DNM3: variants seen among roughly 807,000 people sequenced by gnomAD.
The protein encoded by DNM3 is dynamin-3.
In DNM3, 47 loss-of-function variants were observed where a neutral mutation model predicts 101.6. That is an observed-to-expected ratio of 0.46 (90% CI 0.37 to 0.59). The LOEUF (loss-of-function observed/expected upper bound fraction) is 0.59. DNM3 is among the 20% of genes least tolerant of loss of function. The pLI is 0.00. For missense variants in DNM3, 849 were observed against 1,085.7 expected (o/e 0.78, Z 3.06); for synonymous variants, 385 against 387.9 (o/e 0.99, Z 0.09).
intron 15 of DNM3, among the ~76,000 whole-genome samples, chr1:172,282,943 C>T (rs1461254471): frequency 1.3e-5 from 2 of 152,184 alleles, no homozygotes; most frequent in African/African-American, 2.4e-5. Context: ...TTTTTATGCC[C>T]ACACAGTTCC....
At chr1:171,860,900 G>A in intron 1 of DNM3, among the ~76,000 whole-genome samples, 1 of 152,102 alleles carries the variant, frequency 6.6e-6, no homozygotes, top group East Asian at 1.9e-4. Flanking sequence ...TGAGAAAAAA[G>A]TTGGGAGTTG....
At chr1:172,116,073 A>G (rs1011597671) in intron 13 of DNM3, among the ~76,000 whole-genome samples, 1 of 152,204 alleles carries the variant, frequency 6.6e-6, no homozygotes, top group African/African-American at 2.4e-5. Flanking sequence ...GACTCAGCTT[A>G]TCTTTGGCTC....
intron 1 of DNM3, among the ~76,000 whole-genome samples, chr1:171,906,206 C>T (rs886965608): frequency 2.7e-5 from 4 of 149,800 alleles, no homozygotes; most frequent in South Asian, 4.2e-4. Flanking sequence ...TGGCTCATTG[C>T]GGCCTCGACT....
intron 13 of DNM3, among the ~76,000 whole-genome samples, chr1:172,112,534 G>A (rs1254772307): frequency 6.6e-6 from 1 of 152,104 alleles, no homozygotes. Context: ...AGTGACCCTG[G>A]CCCTGAACCT....
chr1:172,063,258 C>G (rs551436283), intron 10 of DNM3, among the ~76,000 whole-genome samples: 12 of 152,180 alleles, frequency 7.9e-5, no homozygotes, highest in Non-Finnish European at 1.6e-4. Context: ...GGTCTCTTGA[C>G]CATTTTGAGA....
chr1:172,014,177 A>T (rs2047301501), intron 4 of DNM3, among the ~76,000 whole-genome samples: 1 of 152,154 alleles, frequency 6.6e-6, no homozygotes. Context: ...AATATATATG[A>T]TGGAATACTG....
At chr1:171,962,845 A>T (rs1214929103) in intron 2 of DNM3, among the ~76,000 whole-genome samples, 2 of 152,204 alleles carry the variant, frequency 1.3e-5, no homozygotes, top group African/African-American at 4.8e-5. Flanking sequence ...TCACTGATTG[A>T]ACACCTATCA....
chr1:172,255,499 G>GT (rs1457504857), intron 15 of DNM3, among the ~76,000 whole-genome samples: 1 of 152,094 alleles, frequency 6.6e-6, no homozygotes, highest in Non-Finnish European at 1.5e-5. Context: ...TGGGTGTAAG[G>GT]TAAAAACAAG....
intron 2 of DNM3, among the ~76,000 whole-genome samples, chr1:171,959,510 G>A (rs1245164897): frequency 1.3e-5 from 2 of 152,066 alleles, no homozygotes; most frequent in Non-Finnish European, 2.9e-5. Flanking sequence ...GCTTGTGGGG[G>A]AAAATCTAGG....
At chr1:172,010,875 G>A (rs1003835915) in intron 4 of DNM3, among the ~76,000 whole-genome samples, 1 of 151,370 alleles carries the variant, frequency 6.6e-6, no homozygotes, top group South Asian at 2.1e-4. Flanking sequence ...AATGTCATTT[G>A]TGAATTCCAT....
chr1:172,188,523 G>A (rs1374251139), intron 14 of DNM3, among the ~76,000 whole-genome samples: 1 of 151,890 alleles, frequency 6.6e-6, no homozygotes, highest in Non-Finnish European at 1.5e-5. Flanking sequence ...TCTTTTTATT[G>A]CTAAATAATA....
chr1:172,227,499 T>C (rs1224599453), intron 14 of DNM3, among the ~76,000 whole-genome samples: 1 of 151,852 alleles, frequency 6.6e-6, no homozygotes, highest in African/African-American at 2.4e-5. Flanking sequence ...GTTTGAGAGA[T>C]CTCCATACTG....
At chr1:172,079,489 C>T (rs987920138) in intron 11 of DNM3, among the ~76,000 whole-genome samples, 1 of 152,078 alleles carries the variant, frequency 6.6e-6, no homozygotes, top group Non-Finnish European at 1.5e-5. Context: ...ATATTCTTCT[C>T]TAAACTGGTT....
chr1:172,144,862 A>T, intron 14 of DNM3: 2 of 287,102 alleles, frequency 7.0e-6, no homozygotes, highest in South Asian at 3.3e-5. Context: ...GAGAGTCCAT[A>T]TATGGGATGA....
rs1187022656 is a variant in DNM3, at chr1:172,409,805, T to C, written c.*1964T>C. ...TCTAAAATAGGCAGCTAACGGATTA[T>C]ATACTTCAGGGTTTGGCTTTGTGCT... On this transcript the variant is annotated 3_prime_UTR_variant, in exon 21 of 21. Transcript: ENST00000627582. The C allele has an allele frequency of 2.0e-6, 2 of 985,784 alleles. No homozygotes were observed. Among genetic ancestry groups the C allele is most frequent in the African/African-American group, 3.5e-5 (2 of 57,344 alleles). The allele number at this position is 985,784 out of a possible 1,614,324, so 61.1% of individuals were successfully genotyped here.
intron 14 of DNM3, among the ~76,000 whole-genome samples, chr1:172,165,946 G>T (rs2148317608): frequency 6.6e-6 from 1 of 151,952 alleles, no homozygotes; most frequent in East Asian, 1.9e-4. Context: ...ACTGTGCTGG[G>T]TGCTTGGAAT....
chr1:172,091,241 G>A (rs1223876374), intron 12 of DNM3, among the ~76,000 whole-genome samples: 1 of 152,184 alleles, frequency 6.6e-6, no homozygotes, highest in African/African-American at 2.4e-5. Context: ...TGGGGATATA[G>A]CAGTGAACAA....
intron 2 of DNM3, among the ~76,000 whole-genome samples, chr1:171,924,690 T>C (rs575238663): frequency 3.3e-5 from 5 of 152,274 alleles, no homozygotes; most frequent in African/African-American, 4.8e-5. Context: ...GTGAAGATTA[T>C]GGGGATTACA....
intron 12 of DNM3, among the ~76,000 whole-genome samples, chr1:172,088,255 A>G (rs922519507): frequency 6.6e-6 from 1 of 152,178 alleles, no homozygotes; most frequent in Non-Finnish European, 1.5e-5. Flanking sequence ...GAGTGCATGA[A>G]AAGGAGAGAT....
Sources: allele counts gnomAD v4.1 joint callset (sites outside exome capture counted in the v4.1 genomes callset), GRCh38; gene constraint gnomAD v4.1.1; transcripts MANE v1.5; gene names NCBI Gene and HGNC (gene_info 2026-07-23, HGNC 2026-07-21).